Variants in DSCAM observed in about 807,000 individuals in gnomAD.
The protein encoded by DSCAM is DS cell adhesion molecule, also known as cell adhesion molecule DSCAM.
A neutral mutation model predicts 217.7 loss-of-function variants in DSCAM; 47 were observed. That is an observed-to-expected ratio of 0.22 (90% confidence interval 0.17 to 0.28). The LOEUF is 0.28. Ranked by LOEUF, DSCAM falls within the 10% of genes least tolerant of loss-of-function variation. The pLI, the probability that DSCAM is intolerant of heterozygous loss-of-function variation, is 1.00. For missense variants in DSCAM, 2,080 were observed against 2,618.3 expected, an observed-to-expected ratio of 0.79 and a Z score of 4.49; for synonymous variants, 1,056 against 1,015.3, an observed-to-expected ratio of 1.04 and a Z score of -0.76.
chr21:40,231,009 G>GC (rs1555892316), intron 11 of DSCAM, among the ~76,000 whole-genome samples: 1 of 142,932 alleles, frequency 7.0e-6, no homozygotes, highest in Non-Finnish European at 1.5e-5. Context: ...TCTCGATTAT[G>GC]CTTTTTTTTT....
chr21:40,311,994 A>C, intron 9 of DSCAM, 87 bp downstream of exon 9: 2 of 386,202 alleles, frequency 5.2e-6, no homozygotes, highest in Non-Finnish European at 7.4e-6. Context: ...AGTTCCAGTT[A>C]TTTTCGAAAT....
At chr21:40,422,418 T>C in intron 3 of DSCAM, among the ~76,000 whole-genome samples, 1 of 151,994 alleles carries the variant, frequency 6.6e-6, no homozygotes. Flanking sequence ...TCACTTGAGG[T>C]CAGGAGTTTG....
chr21:40,483,031 T>G (rs1051850272), intron 3 of DSCAM, among the ~76,000 whole-genome samples: 1 of 152,246 alleles, frequency 6.6e-6, no homozygotes, highest in African/African-American at 2.4e-5. Context: ...ATACTGATCA[T>G]CTGTGTCAGT....
intron 1 of DSCAM, among the ~76,000 whole-genome samples, chr21:40,831,416 T>C (rs1453849197): frequency 6.6e-6 from 1 of 152,216 alleles, no homozygotes; most frequent in Non-Finnish European, 1.5e-5. Flanking sequence ...AAGACGCATG[T>C]CCCATGGACA....
intron 3 of DSCAM, among the ~76,000 whole-genome samples, chr21:40,641,195 C>A (rs1162371351): frequency 1.3e-5 from 2 of 151,942 alleles, no homozygotes; most frequent in African/African-American, 4.8e-5. Flanking sequence ...ATAAACAGAG[C>A]GCATGGCAGT....
chr21:40,402,344 C>T (rs1043061527), intron 3 of DSCAM, among the ~76,000 whole-genome samples: 5 of 151,626 alleles, frequency 3.3e-5, no homozygotes, highest in Non-Finnish European at 5.9e-5. Flanking sequence ...GGTGGGATTA[C>T]AGGCTCGAGC....
intron 3 of DSCAM, among the ~76,000 whole-genome samples, chr21:40,438,751 T>G (rs530363738): frequency 2.5e-4 from 38 of 152,328 alleles, no homozygotes; most frequent in African/African-American, 8.9e-4. Flanking sequence ...TTCTGGCACC[T>G]TTTGAAAAAC....
At chr21:40,281,600 T>C (rs1414812212) in intron 10 of DSCAM, among the ~76,000 whole-genome samples, 1 of 152,222 alleles carries the variant, frequency 6.6e-6, no homozygotes, top group Non-Finnish European at 1.5e-5. Context: ...GTACAAACGT[T>C]ATCTCCTTCA....
chr21:40,771,522 G>T (rs531482187), intron 1 of DSCAM, among the ~76,000 whole-genome samples: 2 of 152,302 alleles, frequency 1.3e-5, no homozygotes, highest in South Asian at 2.1e-4. Context: ...ACGGGGGAAG[G>T]CTTCCGGACC....
rs543123783 is a variant in DSCAM, at chr21:40,128,277, C to T, written c.3563-3949G>A. 6.7e-4 allele frequency among the ~76,000 whole-genome samples: 100 copies of T among 149,974 alleles called. No individual in the cohort carries two copies. In the South Asian group the frequency reaches 0.013, roughly 20 times the overall value. ...CCAAGAGTGGAAAAATGATTTCATTCGTGTCTGTGTGGTAGGCAGGATTCT... is the reference window on the plus strand; with the variant it reads ...CCAAGAGTGGAAAAATGATTTCATTTGTGTCTGTGTGGTAGGCAGGATTCT... On this transcript the variant is annotated intron_variant, in intron 19 of 32. Coordinates refer to ENST00000400454, the MANE Select transcript of DSCAM (RefSeq NM_001389.5).
rs768623841 is a variant in DSCAM, at chr21:40,083,930, G to A, written c.4209C>T (p.Asp1403=). 34 of 1,613,566 alleles carry A rather than the reference G, an allele frequency of 2.1e-5. No individual in the cohort carries two copies. Among genetic ancestry groups the A allele is most frequent in the Non-Finnish European group, 2.2e-5 (26 of 1,179,812 alleles). Residue 1403 remains aspartate (D), a synonymous_variant, in exon 24 of 33, where the codon GAC becomes GAT. Coordinates refer to ENST00000400454, the MANE Select transcript of DSCAM (RefSeq NM_001389.5). ...SSITLSWLPG[D]NGGSSIRGYI... is the part of the protein sequence containing the mutation. ...TACCTCTGATAGAGCTGCCCCCGTT[G>A]TCTCCAGGGAGCCAAGAAAGGGTGA...
At chr21:40,652,379 G>C (rs1297203685) in intron 3 of DSCAM, among the ~76,000 whole-genome samples, 1 of 151,296 alleles carries the variant, frequency 6.6e-6, no homozygotes, top group African/African-American at 2.4e-5. Context: ...CTAGCTATAA[G>C]AATCCTGCTT....
rs1341946668 is a variant in DSCAM, at chr21:40,044,255, C to T, written c.5206G>A (p.Ala1736Thr). The change falls in exon 31 of 33, where the codon GCC (alanine) becomes ACC (threonine). Residue 1736 changes from alanine to threonine, a missense_variant. Physicochemically the swap from Ala to Thr is moderately conservative, Grantham distance 58 (BLOSUM62 0). Transcript: ENST00000400454. ...TTTCTCGCTGTGGGCCCAGCCTTGG[C>T]ATTCCTCCTGGTGGTGGGATCTGTG... Reference protein sequence around the residue: ...PGTNPTTRRNAKAGPTARNRY... With the variant: ...PGTNPTTRRNTKAGPTARNRY... The T allele has an allele frequency of 6.2e-7, 1 of 1,613,994 alleles. No homozygotes were observed. Among genetic ancestry groups the T allele is most frequent in the East Asian group, 2.2e-5 (1 of 44,876 alleles).
intron 11 of DSCAM, among the ~76,000 whole-genome samples, chr21:40,208,863 G>C (rs1438365821): frequency 6.6e-6 from 1 of 152,082 alleles, no homozygotes; most frequent in Non-Finnish European, 1.5e-5. Flanking sequence ...AGGCCAATCT[G>C]ATCCTCTAGG....
chr21:40,772,988 G>C (rs969842340), intron 1 of DSCAM, among the ~76,000 whole-genome samples: 3 of 152,334 alleles, frequency 2.0e-5, no homozygotes, highest in Admixed American at 2.0e-4. Flanking sequence ...CTGACCTAGG[G>C]GTCAAAGCAT....
intron 3 of DSCAM, among the ~76,000 whole-genome samples, chr21:40,441,708 C>T (rs890712312): frequency 6.6e-6 from 1 of 152,146 alleles, no homozygotes; most frequent in African/African-American, 2.4e-5. Context: ...ACCTGCCCTA[C>T]CAAGCCCTGG....
chr21:40,278,082 G>A (rs1333334843), intron 10 of DSCAM, among the ~76,000 whole-genome samples: 2 of 151,914 alleles, frequency 1.3e-5, no homozygotes, highest in Non-Finnish European at 2.9e-5. Context: ...TTTTATTTAT[G>A]TATAATAGTA....
At chr21:40,608,637 T>C (rs1226695189) in intron 3 of DSCAM, among the ~76,000 whole-genome samples, 4 of 152,296 alleles carry the variant, frequency 2.6e-5, no homozygotes, top group African/African-American at 7.2e-5. Flanking sequence ...TTCAAGTCTA[T>C]TGACCATCAA....
At chr21:40,020,530 TGAGAGAGA>T (rs140985038) in intron 32 of DSCAM, among the ~76,000 whole-genome samples, 5 of 148,670 alleles carry the variant, frequency 3.4e-5, no homozygotes, top group Admixed American at 1.3e-4. Flanking sequence ...TGTGTGTGTG[TGAGAGAGA>T]GAGAGAGAGG....
Sources: allele counts gnomAD v4.1 joint callset (sites outside exome capture counted in the v4.1 genomes callset), GRCh38; gene constraint gnomAD v4.1.1; transcripts MANE v1.5; gene names NCBI Gene and HGNC (gene_info 2026-07-23, HGNC 2026-07-21).